PARVB: variants seen among roughly 807,000 people sequenced by gnomAD.
PARVB encodes parvin beta.
In PARVB, 46 loss-of-function variants were observed where a neutral mutation model predicts 47.0. That is an observed-to-expected ratio of 0.98 (90% CI 0.77 to 1.25). PARVB has a LOEUF of 1.25. PARVB is among the 50% of genes most tolerant of loss of function. PARVB has a pLI of 0.00. For synonymous variants in PARVB, 196 were observed against 196.3 expected (o/e 1.00, Z 0.01); for missense variants, 473 against 471.6 (o/e 1.00, Z -0.03).
chr22:44,134,199 G>A (rs2179559), intron 6 of PARVB, among the ~76,000 whole-genome samples: 26,086 of 152,160 alleles, frequency 0.17, 2,569 homozygotes, highest in Admixed American at 0.23. Context: ...TTGACCGGAC[G>A]GGAATGCTCC....
chr22:44,090,153 G>C (rs2052130169), intron 1 of PARVB, among the ~76,000 whole-genome samples: 1 of 152,200 alleles, frequency 6.6e-6, no homozygotes, highest in Non-Finnish European at 1.5e-5. Context: ...ACCACCCCAT[G>C]TTACAGATGG....
At chr22:44,017,882 CA>C (rs370276667) in intron 2 of PARVB, among the ~76,000 whole-genome samples, 61 of 151,984 alleles carry the variant, frequency 4.0e-4, no homozygotes, top group African/African-American at 1.3e-3. Flanking sequence ...GTAGGGGTGT[CA>C]GGGGGGCCTT....
chr22:44,098,960 C>T (rs1300703446), intron 2 of PARVB, among the ~76,000 whole-genome samples: 1 of 152,192 alleles, frequency 6.6e-6, no homozygotes, highest in Non-Finnish European at 1.5e-5. Context: ...TAGGCAGGAG[C>T]CACTTACGCT....
intron 10 of PARVB, 28 bp from the exon 11 acceptor site, chr22:44,157,954 C>T (rs375705966): frequency 3.3e-5 from 52 of 1,560,208 alleles, no homozygotes; most frequent in South Asian, 1.0e-4. Flanking sequence ...TTACCCTGCC[C>T]GGAAACATCA....
At chr22:44,059,209 C>T (rs548293035) in intron 1 of PARVB, among the ~76,000 whole-genome samples, 1 of 152,198 alleles carries the variant, frequency 6.6e-6, no homozygotes, top group African/African-American at 2.4e-5. Flanking sequence ...CCACACCCAG[C>T]TAATTTTTGT....
chr22:44,100,211 A>T lies in PARVB; in HGVS notation c.273+88A>T. On this transcript the variant is annotated intron_variant, in intron 3 of 12. Coordinates refer to ENST00000338758, the MANE Select transcript of PARVB (RefSeq NM_013327.5). ...GGGCTCTCATGGACAAAGGGAGCTA[A>T]ACCCGGGGCTCCTGAAAGGGATGTT... 3 of 1,012,714 alleles carry T rather than the reference A, an allele frequency of 3.0e-6. No individual in the cohort carries two copies. In the South Asian group the frequency reaches 3.9e-5, roughly 13 times the overall value. The allele number at this position is 1,012,714 out of a possible 1,614,324, so 62.7% of individuals were successfully genotyped here. A position where few individuals can be genotyped will look rare whatever the true frequency, so the allele number is the denominator to read the frequency against.
chr22:44,090,196 C>T (rs2052131699), intron 1 of PARVB, among the ~76,000 whole-genome samples: 1 of 152,220 alleles, frequency 6.6e-6, no homozygotes, highest in African/African-American at 2.4e-5. Flanking sequence ...GAGGGGACTT[C>T]CCCGAAGCCA....
chr22:44,158,829 A>G (rs1248196077), intron 11 of PARVB, among the ~76,000 whole-genome samples: 3 of 152,248 alleles, frequency 2.0e-5, no homozygotes, highest in African/African-American at 7.2e-5. Flanking sequence ...ATTCATGGGC[A>G]TCTGTCATTT....
chr22:44,116,093 G>C (rs529164170), intron 3 of PARVB: 1 of 152,482 alleles, frequency 6.6e-6, no homozygotes, highest in East Asian at 1.9e-4. Context: ...ACACCACATT[G>C]CATTCAGTCC....
chr22:44,158,425 A>G (rs2053982708), intron 11 of PARVB, among the ~76,000 whole-genome samples: 1 of 152,162 alleles, frequency 6.6e-6, no homozygotes, highest in Non-Finnish European at 1.5e-5. Context: ...CTGCTTCCCA[A>G]GCTTTCCAAA....
At chr22:44,057,796 C>T (rs1392249418) in intron 1 of PARVB, among the ~76,000 whole-genome samples, 1 of 151,974 alleles carries the variant, frequency 6.6e-6, no homozygotes, top group Non-Finnish European at 1.5e-5. Context: ...AGCCCCAGTC[C>T]CACAGCTTAG....
chr22:44,101,922 A>C (rs2052456957), intron 3 of PARVB, among the ~76,000 whole-genome samples: 1 of 152,214 alleles, frequency 6.6e-6, no homozygotes, highest in African/African-American at 2.4e-5. Context: ...TTAGCCACGA[A>C]AATGTTGTTC....
intron 12 of PARVB, among the ~76,000 whole-genome samples, chr22:44,166,256 C>T (rs1257050447): frequency 1.3e-5 from 2 of 152,220 alleles, no homozygotes; most frequent in East Asian, 1.9e-4. Flanking sequence ...ATTACAGGCA[C>T]CCGCCACCAT....
At chr22:44,165,452 C>G (rs373457130) in intron 12 of PARVB, among the ~76,000 whole-genome samples, 1 of 152,196 alleles carries the variant, frequency 6.6e-6, no homozygotes, top group South Asian at 2.1e-4. Context: ...GATACCGGCC[C>G]GGCCTGGGTC....
intron 1 of PARVB, among the ~76,000 whole-genome samples, chr22:44,067,431 A>C (rs1027277964): frequency 6.6e-6 from 1 of 152,188 alleles, no homozygotes; most frequent in Non-Finnish European, 1.5e-5. Context: ...TCCTCCCCCA[A>C]GGGGCTGACC....
At chr22:44,135,445 G>T (rs2053422846) in intron 6 of PARVB, among the ~76,000 whole-genome samples, 1 of 152,118 alleles carries the variant, frequency 6.6e-6, no homozygotes, top group Admixed American at 6.5e-5. Context: ...TTTTAGCAGA[G>T]ACCGGGTTTC....
At chr22:44,066,795 C>CCTCCTCCTCCTCCTT (rs2051537498) in intron 1 of PARVB, among the ~76,000 whole-genome samples, 14 of 140,228 alleles carry the variant, frequency 1.0e-4, no homozygotes, top group African/African-American at 3.3e-4. Flanking sequence ...TCCTCCTCCT[C>CCTCCTCCTCCTCCTT]CTCCTCCTCC....
intron 4 of PARVB, among the ~76,000 whole-genome samples, chr22:44,126,076 C>T (rs1462264976): frequency 6.6e-6 from 1 of 152,048 alleles, no homozygotes; most frequent in African/African-American, 2.4e-5. Context: ...GATACCTGCC[C>T]TTTTGGAGGT....
intron 1 of PARVB, among the ~76,000 whole-genome samples, chr22:44,071,229 G>A (rs1383098920): frequency 4.6e-5 from 7 of 152,210 alleles, no homozygotes; most frequent in South Asian, 2.1e-4. Flanking sequence ...TTAACTTCAC[G>A]ACTCCTCCAC....
Sources: allele counts gnomAD v4.1 joint callset (sites outside exome capture counted in the v4.1 genomes callset), GRCh38; gene constraint gnomAD v4.1.1; transcripts MANE v1.5; gene names NCBI Gene and HGNC (gene_info 2026-07-23, HGNC 2026-07-21).